Variants in OPRM1 observed in about 807,000 individuals in gnomAD.
OPRM1 encodes opioid receptor mu 1, also known as mu-type opioid receptor.
A neutral mutation model predicts 31.8 loss-of-function variants in OPRM1; 27 were observed. The observed-to-expected ratio is 0.85, with a 90% CI of 0.63 to 1.17. The LOEUF (loss-of-function observed/expected upper bound fraction) is 1.17, where lower values mean the gene tolerates loss of function less well. Among genes scored for constraint, OPRM1 ranks in the 50% most tolerant of loss-of-function variants. The pLI, the probability that OPRM1 is intolerant of heterozygous loss-of-function variation, is 0.00. For missense variants in OPRM1, 536 were observed against 511.1 expected (o/e 1.05, Z -0.47); for synonymous variants, 196 against 189.9 (o/e 1.03, Z -0.26).
chr6:154,131,340 C>A lies in OPRM1; in HGVS notation c.*12619C>A, dbSNP rs1476204045. ...CTCCTGCCCACAAACTATTTTTCCT[C>A]TCCAGGAATAAGAATGGCAACTGAA... On this transcript the variant is annotated 3_prime_UTR_variant, in exon 4 of 4. Transcript: ENST00000330432. 6.6e-6 allele frequency among the ~76,000 whole-genome samples: 1 copy of A among 152,206 alleles called. No individual in the cohort carries two copies. The highest frequency in any genetic ancestry group is 2.4e-5 in the African/African-American group (1 of 41,456).
chr6:154,178,142 G>T (rs1047533757), intron 3 of OPRM1, among the ~76,000 whole-genome samples: 1 of 151,820 alleles, frequency 6.6e-6, no homozygotes, highest in African/African-American at 2.4e-5. Flanking sequence ...CCTGTTGGTG[G>T]GTGGGGGGCT....
chr6:154,208,392 G>A (rs563142754), intron 3 of OPRM1, among the ~76,000 whole-genome samples: 7 of 152,218 alleles, frequency 4.6e-5, no homozygotes, highest in Admixed American at 1.3e-4. Context: ...GCTCTCAGTC[G>A]GACGTGTCCT....
chr6:154,193,550 G>A (rs1328653816), intron 3 of OPRM1, among the ~76,000 whole-genome samples: 1 of 152,164 alleles, frequency 6.6e-6, no homozygotes, highest in African/African-American at 2.4e-5. Flanking sequence ...GCATATACTT[G>A]TACTCTCCTG....
chr6:154,051,214 G>T (rs1782127059), intron 1 of OPRM1, among the ~76,000 whole-genome samples: 1 of 152,060 alleles, frequency 6.6e-6, no homozygotes, highest in African/African-American at 2.4e-5. Flanking sequence ...GCAAACTTTG[G>T]AAAAATTTAT....
At chr6:154,181,227 T>C (rs909678064) in intron 3 of OPRM1, among the ~76,000 whole-genome samples, 5 of 152,322 alleles carry the variant, frequency 3.3e-5, no homozygotes, top group African/African-American at 1.2e-4. Context: ...AGGACACTAC[T>C]GACCAACAAC....
intron 1 of OPRM1, among the ~76,000 whole-genome samples, chr6:154,013,886 A>C (rs1777861376): frequency 6.6e-6 from 1 of 152,140 alleles, no homozygotes. Flanking sequence ...GAACTAGCAC[A>C]CTGTCACTTC....
chr6:154,181,570 A>G (rs1046849240), intron 3 of OPRM1, among the ~76,000 whole-genome samples: 11 of 152,222 alleles, frequency 7.2e-5, no homozygotes, highest in Non-Finnish European at 1.2e-4. Context: ...CAAATTAGGC[A>G]ATATATAGTC....
chr6:154,212,683 T>G, intron 3 of OPRM1: 2 of 844,726 alleles, frequency 2.4e-6, no homozygotes, highest in Non-Finnish European at 3.8e-6. Flanking sequence ...TAAAAATTTA[T>G]TGGTCAAGCT....
At chr6:154,098,777 T>G (rs680787) in intron 3 of OPRM1, among the ~76,000 whole-genome samples, 124,398 of 152,134 alleles carry the variant, frequency 0.82, 51,310 homozygotes, top group East Asian at 0.92. Flanking sequence ...ATTTGGAGAG[T>G]ACATTATGAG....
chr6:154,143,510 G>T (rs962185550), intron 3 of OPRM1, among the ~76,000 whole-genome samples: 1 of 152,226 alleles, frequency 6.6e-6, no homozygotes, highest in Non-Finnish European at 1.5e-5. Flanking sequence ...ACCACAGAGT[G>T]AAGTGTAAGA....
At position 154,127,311 on chromosome 6, in the gene OPRM1, G is replaced by A. The variant is rs141752150; in HGVS notation, c.*8590G>A. Among the ~76,000 whole-genome samples, 4 of 152,228 alleles carry A rather than the reference G, an allele frequency of 2.6e-5. 1 individual carries two copies. Among genetic ancestry groups the A allele is most frequent in the Non-Finnish European group, 5.9e-5 (4 of 68,014 alleles). ...TCCGCCAGAGACTTCCAAAAGAAGAGGTCTCATTTATAAAGTGAATTTGAA... is the reference window on the plus strand; with the variant it reads ...TCCGCCAGAGACTTCCAAAAGAAGAAGTCTCATTTATAAAGTGAATTTGAA... On this transcript the variant is annotated 3_prime_UTR_variant, in exon 4 of 4. Transcript: ENST00000330432.
chr6:154,246,303 G>A (rs1046376560), intron 3 of OPRM1, among the ~76,000 whole-genome samples: 5 of 152,174 alleles, frequency 3.3e-5, no homozygotes, highest in Non-Finnish European at 7.3e-5. Flanking sequence ...TCGTGGAATA[G>A]TAACATTAAT....
intron 1 of OPRM1, among the ~76,000 whole-genome samples, chr6:154,029,435 T>G (rs1778882571): frequency 6.6e-6 from 1 of 152,200 alleles, no homozygotes; most frequent in Admixed American, 6.5e-5. Flanking sequence ...AAAAGAAATT[T>G]CATTCACATA....
At chr6:154,221,494 T>C (rs1778853269) in intron 3 of OPRM1, among the ~76,000 whole-genome samples, 1 of 152,224 alleles carries the variant, frequency 6.6e-6, no homozygotes, top group Non-Finnish European at 1.5e-5. Context: ...AGTCTCTGTT[T>C]CATATAGAGA....
intron 3 of OPRM1, among the ~76,000 whole-genome samples, chr6:154,142,502 G>A (rs890699019): frequency 2.6e-5 from 4 of 151,968 alleles, no homozygotes; most frequent in Admixed American, 6.6e-5. Flanking sequence ...TGGGATTATA[G>A]GCCACTGAGC....
chr6:154,148,782 C>A (rs940824793), intron 3 of OPRM1, among the ~76,000 whole-genome samples: 4 of 152,198 alleles, frequency 2.6e-5, no homozygotes, highest in African/African-American at 4.8e-5. Context: ...CCATTCATCA[C>A]CAGCTTTCAG....
chr6:154,203,755 C>A (rs2128595764), intron 3 of OPRM1, among the ~76,000 whole-genome samples: 1 of 152,264 alleles, frequency 6.6e-6, no homozygotes, highest in African/African-American at 2.4e-5. Context: ...TTTTTCACCT[C>A]CATTTTTTGC....
chr6:154,228,738 T>G (rs1304313669), intron 3 of OPRM1, among the ~76,000 whole-genome samples: 1 of 152,232 alleles, frequency 6.6e-6, no homozygotes, highest in Non-Finnish European at 1.5e-5. Context: ...CACTCTGCTC[T>G]TGGCCAGATG....
At chr6:154,010,684 C>A in exon 1 of OPRM1, 1 of 1,450,634 alleles carries the variant, frequency 6.9e-7, no homozygotes, top group Non-Finnish European at 9.1e-7. Flanking sequence ...CATGAAAAAG[C>A]AGCCGGGTCA....
Sources: gnomAD v4.1 joint callset for allele counts (sites outside exome capture counted in the v4.1 genomes callset) on GRCh38, gnomAD v4.1.1 for gene constraint, MANE v1.5 for transcripts, NCBI Gene and HGNC (gene_info 2026-07-23, HGNC 2026-07-21) for gene names.